SEPTIN10: variants seen among roughly 807,000 people sequenced by gnomAD.
SEPTIN10 encodes septin-10.
SEPTIN10 carries 66 observed loss-of-function variants against 54.8 expected under a neutral mutation model. That is an observed-to-expected ratio of 1.21 (90% CI 0.99 to 1.48). The LOEUF is 1.48. Ranked by LOEUF, SEPTIN10 falls within the 40% of genes most tolerant of loss-of-function variation. The pLI is 0.00. For synonymous variants in SEPTIN10, 161 were observed against 181.0 expected, an observed-to-expected ratio of 0.89 and a Z score of 0.89; for missense variants, 620 against 545.6, an observed-to-expected ratio of 1.14 and a Z score of -1.36.
In SEPTIN10 at chr2:109,543,930, C is replaced by T. The variant is rs557346450; in HGVS notation, c.*379G>A. 174 of 541,404 alleles carry T rather than the reference C, an allele frequency of 3.2e-4. 2 individuals are homozygous for T. In the South Asian group the frequency reaches 3.9e-3, roughly 12 times the overall value. 33.5% of individuals were successfully genotyped at this position (541,404 alleles called of 1,614,324 possible). A position where few individuals can be genotyped will look rare whatever the true frequency, so the allele number is the denominator to read the frequency against. On this transcript the variant is annotated 3_prime_UTR_variant, in exon 11 of 11. Transcript: ENST00000397712. Reference sequence around the variant, plus strand: ...ATTCATGTTTCACATCCACCTTATACATATAGCCTGAAAGTAATTTATACA... The same window carrying T: ...ATTCATGTTTCACATCCACCTTATATATATAGCCTGAAAGTAATTTATACA...
chr2:109,568,400 G>T (rs1294806525), intron 5 of SEPTIN10, among the ~76,000 whole-genome samples: 2 of 141,114 alleles, frequency 1.4e-5, no homozygotes, highest in Admixed American at 1.5e-4. Flanking sequence ...TTGAGATGGA[G>T]TCTCGCTGTA....
Position 109,546,071 on chromosome 2 carries a change from C to T in SEPTIN10, c.1328G>A (p.Arg443Lys), listed in dbSNP as rs1573349288. 6.3e-7 allele frequency: 1 copy of T among 1,597,222 alleles called. No homozygotes were observed. The change falls in exon 10 of 11, where the codon AGG becomes AAG. Residue 443 changes from arginine (R) to lysine (K), a missense_variant. Arg to Lys is a conservative substitution (Grantham distance 26). Transcript: ENST00000397712. ...TTACTTCTTACGGTCCTTGTCCTTC[C>T]TCAGGTTGCTGCCTGTTGCCAGAAA... is the stretch of plus-strand genomic sequence containing the variant. ...QSFLATGSNLRKDKDRKNSNF... is the reference protein window; with the variant it reads ...QSFLATGSNLKKDKDRKNSNF...
At chr2:109,596,106 G>T (rs1695241217) in intron 1 of SEPTIN10, among the ~76,000 whole-genome samples, 1 of 152,136 alleles carries the variant, frequency 6.6e-6, no homozygotes, top group Admixed American at 6.6e-5. Flanking sequence ...ATCACAGCTC[G>T]CTGCAGCCTC....
At chr2:109,586,435 A>C (rs1157106492) in intron 2 of SEPTIN10, among the ~76,000 whole-genome samples, 1 of 152,236 alleles carries the variant, frequency 6.6e-6, no homozygotes. Flanking sequence ...CCTAGTCATT[A>C]TGGCAAAAGG....
At chr2:109,590,042 A>G (rs1382994569) in intron 2 of SEPTIN10, among the ~76,000 whole-genome samples, 1 of 135,906 alleles carries the variant, frequency 7.4e-6, no homozygotes, top group Non-Finnish European at 1.5e-5. Flanking sequence ...ATATACACAC[A>G]TATATATGTG....
intron 9 of SEPTIN10, among the ~76,000 whole-genome samples, chr2:109,547,852 C>G (rs1315678027): frequency 2.6e-5 from 4 of 152,132 alleles, no homozygotes; most frequent in Admixed American, 2.6e-4. Flanking sequence ...AAATAGGAAA[C>G]TCAGCTTGCT....
chr2:109,587,240 C>G (rs1169828471), intron 2 of SEPTIN10, among the ~76,000 whole-genome samples: 1 of 152,004 alleles, frequency 6.6e-6, no homozygotes, highest in Non-Finnish European at 1.5e-5. Context: ...AATGCAACAT[C>G]TGAAGTAAAA....
At chr2:109,555,750 C>G (rs917523834) in intron 8 of SEPTIN10, among the ~76,000 whole-genome samples, 3 of 152,184 alleles carry the variant, frequency 2.0e-5, no homozygotes, top group Non-Finnish European at 4.4e-5. Flanking sequence ...TTCTTTCTAC[C>G]CAATAAATAC....
intron 1 of SEPTIN10, among the ~76,000 whole-genome samples, chr2:109,595,380 T>C (rs73953169): frequency 0.042 from 6,416 of 152,272 alleles, 449 homozygotes; most frequent in African/African-American, 0.15. Context: ...AATACCTGGC[T>C]TCAGGCTTTA....
At chr2:109,592,020 T>C (rs1028621191) in intron 2 of SEPTIN10, among the ~76,000 whole-genome samples, 3 of 152,166 alleles carry the variant, frequency 2.0e-5, no homozygotes, top group Non-Finnish European at 2.9e-5. Flanking sequence ...CAAATTTCAA[T>C]ATGAATTACC....
chr2:109,584,068 T>C (rs1433417254), intron 4 of SEPTIN10, among the ~76,000 whole-genome samples: 2 of 152,150 alleles, frequency 1.3e-5, no homozygotes, highest in Non-Finnish European at 2.9e-5. Context: ...ATTGGATCAC[T>C]TGTACCCCAA....
chr2:109,552,721 C>A, intron 9 of SEPTIN10: 3 of 192,404 alleles, frequency 1.6e-5, no homozygotes, highest in Non-Finnish European at 1.1e-5. Context: ...CAAAGACAAA[C>A]CACCACTGAG....
At chr2:109,560,063 G>A (rs1461639686) in intron 8 of SEPTIN10, among the ~76,000 whole-genome samples, 1 of 152,034 alleles carries the variant, frequency 6.6e-6, no homozygotes, top group Non-Finnish European at 1.5e-5. Flanking sequence ...CGGGACTACA[G>A]GTGCCCGCCA....
intron 7 of SEPTIN10, among the ~76,000 whole-genome samples, chr2:109,564,864 CA>C: frequency 6.6e-6 from 1 of 152,190 alleles, no homozygotes. Context: ...TAGCAGTTTA[CA>C]AACTATCCTG....
chr2:109,546,794 A>G (rs2104567296), intron 9 of SEPTIN10, among the ~76,000 whole-genome samples: 1 of 152,336 alleles, frequency 6.6e-6, no homozygotes, highest in South Asian at 2.1e-4. Context: ...AAAAAATCCT[A>G]AATTCAGAGA....
At chr2:109,613,753 G>A (rs1699832228) in intron 1 of SEPTIN10, 45 bp downstream of exon 1, 2 of 1,175,166 alleles carry the variant, frequency 1.7e-6, no homozygotes, top group Admixed American at 4.3e-5. Flanking sequence ...GTCCCGCGGG[G>A]GCCGGGGAGC....
chr2:109,606,425 A>C (rs1489155938), intron 1 of SEPTIN10, among the ~76,000 whole-genome samples: 1 of 152,104 alleles, frequency 6.6e-6, no homozygotes, highest in Non-Finnish European at 1.5e-5. Context: ...AAAAACAAAA[A>C]ATAAAAAATA....
intron 1 of SEPTIN10, among the ~76,000 whole-genome samples, chr2:109,603,391 C>T (rs985413628): frequency 6.6e-6 from 1 of 152,044 alleles, no homozygotes; most frequent in African/African-American, 2.4e-5. Flanking sequence ...CACACCGCCA[C>T]GCCTGGCTAA....
chr2:109,594,635 T>C (rs1318308048), intron 1 of SEPTIN10: 2 of 152,288 alleles, frequency 1.3e-5, no homozygotes, highest in East Asian at 3.8e-4. Flanking sequence ...TGAACCATGC[T>C]GCAACAAACG....
Sources: gnomAD v4.1 joint callset for allele counts (sites outside exome capture counted in the v4.1 genomes callset) on GRCh38, gnomAD v4.1.1 for gene constraint, MANE v1.5 for transcripts, NCBI Gene and HGNC (gene_info 2026-07-23, HGNC 2026-07-21) for gene names.